GATAD2A: variants seen among roughly 807,000 people sequenced by gnomAD.
GATAD2A encodes transcriptional repressor p66-alpha.
Under a neutral mutation model 68.5 loss-of-function variants are expected in GATAD2A, and 12 were observed. The observed-to-expected ratio is 0.18, with a 90% CI of 0.11 to 0.28. The LOEUF (loss-of-function observed/expected upper bound fraction) is 0.28, where lower values mean the gene tolerates loss of function less well. Ranked by LOEUF, GATAD2A falls within the 10% of genes least tolerant of loss-of-function variation. GATAD2A has a pLI of 1.00. For synonymous variants in GATAD2A, 410 were observed against 375.3 expected (o/e 1.09, Z -1.07); for missense variants, 755 against 868.5 (o/e 0.87, Z 1.64).
chr19:19,406,458 G>T (rs943279593), intron 1 of GATAD2A, among the ~76,000 whole-genome samples: 2 of 150,222 alleles, frequency 1.3e-5, no homozygotes, highest in African/African-American at 5.0e-5. Context: ...CCCCGCGGCG[G>T]CGGCGGCGGC....
intron 1 of GATAD2A, among the ~76,000 whole-genome samples, chr19:19,425,064 T>TAAA (rs529552728): frequency 1.0e-5 from 1 of 96,134 alleles, no homozygotes; most frequent in Non-Finnish European, 2.3e-5. Context: ...TGTGCAACAA[T>TAAA]AAAAAAAAAA....
At chr19:19,476,616 T>TA (rs2058693385) in intron 2 of GATAD2A, among the ~76,000 whole-genome samples, 1 of 152,218 alleles carries the variant, frequency 6.6e-6, no homozygotes, top group South Asian at 2.1e-4. Flanking sequence ...GAGTGCTCCT[T>TA]AGGCCGAGAG....
intron 2 of GATAD2A, among the ~76,000 whole-genome samples, chr19:19,491,841 G>A (rs1469481095): frequency 6.6e-6 from 1 of 152,214 alleles, no homozygotes. Flanking sequence ...CCTTCAAGGG[G>A]TTTCCACCAT....
intron 2 of GATAD2A, among the ~76,000 whole-genome samples, chr19:19,471,803 G>A (rs960761797): frequency 1.3e-5 from 2 of 151,920 alleles, no homozygotes; most frequent in Admixed American, 1.3e-4. Flanking sequence ...TGTTGGTTTT[G>A]TGAGGCCAAT....
rs116752819 is a variant in GATAD2A, at chr19:19,498,000, G to T, written c.925-443G>T. 4.5e-3 allele frequency among the ~76,000 whole-genome samples: 681 copies of T among 152,320 alleles called. 4 individuals carry two copies. The highest frequency in any genetic ancestry group is 0.016 in the African/African-American group (667 of 41,564). On this transcript the variant is annotated intron_variant, in intron 7 of 11. Transcript: ENST00000683918. Reference sequence around the variant, plus strand: ...ACATTAGCATCCCAGGGGAGCACATGCAGAGAGGCTCATGGGGGTGCTGCG... The same window carrying T: ...ACATTAGCATCCCAGGGGAGCACATTCAGAGAGGCTCATGGGGGTGCTGCG...
chr19:19,432,600 C>T (rs535927026), intron 1 of GATAD2A, among the ~76,000 whole-genome samples: 1 of 152,366 alleles, frequency 6.6e-6, no homozygotes, highest in East Asian at 1.9e-4. Flanking sequence ...CCGTGTTCGG[C>T]TGACAGTCGT....
At position 19,505,945 on chromosome 19, in the gene GATAD2A, C is replaced by A. The variant is rs2060848461; in HGVS notation, c.*471C>A. The A allele has an allele frequency of 5.0e-6, 2 of 398,944 alleles. No individual in the cohort carries two copies. The highest frequency in any genetic ancestry group is 4.4e-5 in the Admixed American group (1 of 22,712). The allele number at this position is 398,944 out of a possible 1,614,324, so 24.7% of individuals were successfully genotyped here. On this transcript the variant is annotated 3_prime_UTR_variant, in exon 12 of 12. Transcript: ENST00000683918. The stretch of plus-strand genomic sequence containing the variant: ...TCTTAGGCTCCCAGTCTTTGACTGC[C>A]TTCCCATGGCGATCTATAAGTTGAA...
chr19:19,494,085 G>GA, intron 4 of GATAD2A, among the ~76,000 whole-genome samples: 1 of 152,156 alleles, frequency 6.6e-6, no homozygotes, highest in Non-Finnish European at 1.5e-5. Context: ...GGGGCTGCTG[G>GA]AAAATCTCTT....
At chr19:19,504,349 A>G (rs1336661911) in intron 11 of GATAD2A, among the ~76,000 whole-genome samples, 2 of 152,226 alleles carry the variant, frequency 1.3e-5, no homozygotes, top group African/African-American at 4.8e-5. Context: ...GACTGTGGCA[A>G]TGGCTTGTAT....
rs781603093 is a variant in GATAD2A at position 19,498,502 on chromosome 19, C to A, written c.984C>A (p.Pro328=). The change falls in exon 8 of 12, where the codon CCC becomes CCA. Residue 328 remains proline, a synonymous_variant. Coordinates refer to ENST00000683918, the MANE Select transcript of GATAD2A (RefSeq NM_001384528.1). ...TATSAQANST[P]TSVASVVTSA... is the part of the protein sequence containing the mutation. Reference sequence around the variant, plus strand: ...CCTCCGCTCAGGCCAACTCCACCCCCACTAGTGTGGCCTCTGTGGTCACCT... The same window carrying A: ...CCTCCGCTCAGGCCAACTCCACCCCAACTAGTGTGGCCTCTGTGGTCACCT... 1.2e-6 allele frequency: 2 copies of A among 1,613,764 alleles called. No homozygotes were observed. Among genetic ancestry groups the A allele is most frequent in the Non-Finnish European group, 1.7e-6 (2 of 1,179,758 alleles).
intron 1 of GATAD2A, among the ~76,000 whole-genome samples, chr19:19,458,767 T>C (rs1197313087): frequency 2.0e-5 from 3 of 152,168 alleles, no homozygotes; most frequent in Non-Finnish European, 4.4e-5. Context: ...TTAAGCTGCG[T>C]GGACATCTTC....
chr19:19,414,686 G>A (rs572898921), intron 1 of GATAD2A, among the ~76,000 whole-genome samples: 17 of 149,386 alleles, frequency 1.1e-4, no homozygotes, highest in Non-Finnish European at 1.8e-4. Flanking sequence ...ACAGGCGCAC[G>A]CCACCACGCC....
chr19:19,453,798 G>A (rs561563139), intron 1 of GATAD2A, among the ~76,000 whole-genome samples: 1 of 151,312 alleles, frequency 6.6e-6, no homozygotes, highest in Admixed American at 6.6e-5. Context: ...CGAGTAGCTG[G>A]GATTACAGGT....
At chr19:19,445,973 T>C (rs765818515) in intron 1 of GATAD2A, among the ~76,000 whole-genome samples, 7 of 152,222 alleles carry the variant, frequency 4.6e-5, no homozygotes, top group Non-Finnish European at 1.0e-4. Context: ...GGTGATGCCG[T>C]GGGCTGGAGG....
intron 1 of GATAD2A, among the ~76,000 whole-genome samples, chr19:19,388,046 A>C (rs2048570514): frequency 7.0e-6 from 1 of 143,446 alleles, no homozygotes. Flanking sequence ...CACTCACATC[A>C]AGCTTCTCCT....
At chr19:19,407,571 C>CCT (rs1437729913) in intron 1 of GATAD2A, among the ~76,000 whole-genome samples, 1 of 152,134 alleles carries the variant, frequency 6.6e-6, no homozygotes. Flanking sequence ...GTTTGCGAAC[C>CCT]CTAGTGAGCA....
At chr19:19,471,426 TG>T (rs1176498726) in intron 2 of GATAD2A, among the ~76,000 whole-genome samples, 5 of 152,126 alleles carry the variant, frequency 3.3e-5, no homozygotes, top group African/African-American at 1.2e-4. Context: ...AGGGACTACT[TG>T]TTGTATAGTT....
rs2060902624 is a variant in GATAD2A at position 19,507,241 on chromosome 19, T to A, written c.*1767T>A. The A allele has an allele frequency of 7.2e-6, 1 of 139,174 alleles. No individual in the cohort carries two copies. Among genetic ancestry groups the A allele is most frequent in the South Asian group, 2.5e-4 (1 of 4,076 alleles). The allele number at this position is 139,174 out of a possible 1,614,324, so 8.6% of individuals were successfully genotyped here. ...TTTTGGGGTGGGAGGGGAGGGTGTGTTTTTTACACCAAAAAAAAAAAAAAA... is the reference window on the plus strand; with the variant it reads ...TTTTGGGGTGGGAGGGGAGGGTGTGATTTTTACACCAAAAAAAAAAAAAAA... On this transcript the variant is annotated 3_prime_UTR_variant, in exon 12 of 12. Transcript: ENST00000683918.
In GATAD2A at chr19:19,393,548, C is replaced by G. The variant is rs558187902; in HGVS notation, c.-7+7410C>G. On this transcript the variant is annotated intron_variant, in intron 1 of 11. Coordinates refer to the GATAD2A transcript ENST00000360315. ...GGTCTGGCAGTGAGCAGGACTGACA[C>G]AGCTGGCCTTCCAGAAGCTTACATC... Among the ~76,000 whole-genome samples the G allele has an allele frequency of 1.4e-4, 21 of 152,318 alleles. No homozygotes were observed. The South Asian group carries it at 1.4e-3, about 11-fold the overall frequency.
Sources: gnomAD v4.1 joint callset for allele counts (sites outside exome capture counted in the v4.1 genomes callset) on GRCh38, gnomAD v4.1.1 for gene constraint, MANE v1.5 for transcripts, NCBI Gene and HGNC (gene_info 2026-07-23, HGNC 2026-07-21) for gene names.